Variants in ACTL6B observed in about 807,000 individuals in gnomAD.
ACTL6B encodes the protein actin like 6B.
A neutral mutation model predicts 63.3 loss-of-function variants in ACTL6B; 48 were observed. That is an observed-to-expected ratio of 0.76 (90% confidence interval 0.60 to 0.96). The LOEUF (loss-of-function observed/expected upper bound fraction) is 0.96. Among genes scored for constraint, ACTL6B ranks in the 50% least tolerant of loss-of-function variants. The probability of loss-of-function intolerance (pLI) is 0.00; values close to 1 mark genes in which losing one functional copy is unlikely to be tolerated. For synonymous variants in ACTL6B, 230 were observed against 223.8 expected, an observed-to-expected ratio of 1.03 and a Z score of -0.25; for missense variants, 350 against 572.2, an observed-to-expected ratio of 0.61 and a Z score of 3.96.
At position 100,655,585 on chromosome 7, in the gene ACTL6B, G is replaced by A. The variant is rs1804024485; in HGVS notation, c.104C>T (p.Ala35Val). 6.2e-7 allele frequency: 1 copy of A among 1,611,518 alleles called. No individual in the cohort carries two copies. Among genetic ancestry groups the A allele is most frequent in the African/African-American group, 1.3e-5 (1 of 74,928 alleles). Residue 35 changes from alanine to valine, a missense_variant and splice_region_variant, in exon 3 of 14, where the codon GCT (alanine) becomes GTT (valine). By Grantham distance (64) the Ala-to-Val change is moderately conservative. This residue lies in a region of ACTL6B where 250 missense variants were observed against 364.7 expected (regional missense o/e 0.69). Coordinates refer to ENST00000160382, the MANE Select transcript of ACTL6B (RefSeq NM_016188.5). This position sits in a 1 kb window ranked among gnomAD's most constrained non-coding sequence, Gnocchi z 4.4. ...CAGCCCCACTGTGGTGGGGAAGTCAGCCTGGTGGGGAAGGGTTGGGGGAGT... is the reference window on the plus strand; with the variant it reads ...CAGCCCCACTGTGGTGGGGAAGTCAACCTGGTGGGGAAGGGTTGGGGGAGT... ...AGYAGEDCPK[A>V]DFPTTVGLLA...
In ACTL6B at chr7:100,655,349, G is replaced by A; in HGVS notation, c.268+72C>T. 8.5e-6 allele frequency: 13 copies of A among 1,521,222 alleles called. No homozygotes were observed. Among genetic ancestry groups the A allele is most frequent in the Non-Finnish European group, 1.2e-5 (13 of 1,119,448 alleles). 94.2% of individuals were successfully genotyped at this position (1,521,222 alleles called of 1,614,324 possible). On this transcript the variant is annotated intron_variant, in intron 3 of 13. Transcript: ENST00000160382. This position sits in a 1 kb window ranked among gnomAD's most constrained non-coding sequence, Gnocchi z 4.4. ...GCAAGGAAGACTCCGCGGGGAGTGG[G>A]GGCTGCTATGACCCAGATTGTGGGG...
At chr7:100,651,234 C>A (rs1803933540) in intron 4 of ACTL6B, among the ~76,000 whole-genome samples, 1 of 152,122 alleles carries the variant, frequency 6.6e-6, no homozygotes, top group African/African-American at 2.4e-5. Context: ...AAAAAATATA[C>A]TTCCCATGAC....
intron 4 of ACTL6B, among the ~76,000 whole-genome samples, chr7:100,650,451 G>A (rs559953303): frequency 6.6e-5 from 10 of 150,774 alleles, no homozygotes; most frequent in Middle Eastern, 3.4e-3. Flanking sequence ...ACAAACACAC[G>A]GTCAAACACA....
intron 4 of ACTL6B, 123 bp from the exon 5 acceptor site, chr7:100,650,258 C>G (rs1803913649): frequency 2.7e-6 from 2 of 728,156 alleles, no homozygotes; most frequent in Admixed American, 2.1e-5. Context: ...CAAACACTTG[C>G]ACACACATAC....
Position 100,655,672 on chromosome 7 carries a change from C to T in ACTL6B, c.103-86G>A, listed in dbSNP as rs1804026371. 7 of 1,526,950 alleles carry T rather than the reference C, an allele frequency of 4.6e-6. No homozygotes were observed. Among genetic ancestry groups the T allele is most frequent in the Admixed American group, 2.0e-5 (1 of 48,796 alleles). The allele number at this position is 1,526,950 out of a possible 1,614,324, so 94.6% of individuals were successfully genotyped here. A position where few individuals can be genotyped will look rare whatever the true frequency, so the allele number is the denominator to read the frequency against. ...CAGCCCCACAGCAGGGTCCTCAGAC[C>T]GCCCCTGGGTTTATTCCCATATTCC... On this transcript the variant is annotated intron_variant, in intron 2 of 13. Coordinates refer to ENST00000160382, the MANE Select transcript of ACTL6B (RefSeq NM_016188.5). This position sits in a 1 kb window ranked among gnomAD's most constrained non-coding sequence, Gnocchi z 4.4.
In ACTL6B at chr7:100,648,971, G is replaced by A; in HGVS notation, c.468-148C>T. ...CCCTGGTGATGACTCATCTCCTGGA[G>A]AAAGGCTCTGAGACCCCAGTTACTT... On this transcript the variant is annotated intron_variant, in intron 5 of 13. Coordinates refer to ENST00000160382, the MANE Select transcript of ACTL6B (RefSeq NM_016188.5). The surrounding 1 kb of genome is among the most constrained non-coding windows in gnomAD (Gnocchi z 4.4). 1 of 653,136 alleles carries A rather than the reference G, an allele frequency of 1.5e-6. No homozygotes were observed. The highest frequency in any genetic ancestry group is 2.5e-6 in the Non-Finnish European group (1 of 402,856). 40.5% of individuals were successfully genotyped at this position (653,136 alleles called of 1,614,324 possible).
chr7:100,654,300 A>G (rs1434492529), intron 4 of ACTL6B, among the ~76,000 whole-genome samples: 5 of 151,490 alleles, frequency 3.3e-5, no homozygotes, highest in African/African-American at 1.2e-4. Flanking sequence ...TTGTTTTAAT[A>G]AAAGAGACGG....
At position 100,655,763 on chromosome 7, in the gene ACTL6B, C is replaced by T. The variant is rs1247930467; in HGVS notation, c.102+40G>A. 3 of 1,548,472 alleles carry T rather than the reference C, an allele frequency of 1.9e-6. No individual in the cohort carries two copies. The highest frequency in any genetic ancestry group is 1.2e-5 in the South Asian group (1 of 84,022). Reference sequence around the variant, plus strand: ...TCACTGGAAAGCCTGAAGAAGGGTCCGAAGCCCCTAGGATTTGGAGAGGAG... The same window carrying T: ...TCACTGGAAAGCCTGAAGAAGGGTCTGAAGCCCCTAGGATTTGGAGAGGAG... On this transcript the variant is annotated intron_variant, in intron 2 of 13. Coordinates refer to ENST00000160382, the MANE Select transcript of ACTL6B (RefSeq NM_016188.5). This position sits in a 1 kb window ranked among gnomAD's most constrained non-coding sequence, Gnocchi z 4.4.
At chr7:100,643,445 T>A in intron 13 of ACTL6B, 119 bp from the exon 14 acceptor site, 2 of 927,338 alleles carry the variant, frequency 2.2e-6, no homozygotes, top group Non-Finnish European at 3.4e-6. Context: ...CACATCCCTC[T>A]GAAGCCCCTC....
In ACTL6B at chr7:100,648,430, C is replaced by G; in HGVS notation, c.669+126G>C. ...GATGCCTCGATTATAAAAGGAGGAA[C>G]TGGAGCCAGGACCCACTGGGGAGCC... On this transcript the variant is annotated intron_variant, in intron 7 of 13. Transcript: ENST00000160382. The surrounding 1 kb of genome is among the most constrained non-coding windows in gnomAD (Gnocchi z 4.4). The G allele has an allele frequency of 1.3e-6, 1 of 797,950 alleles. No homozygotes were observed. Among genetic ancestry groups the G allele is most frequent in the Non-Finnish European group, 1.9e-6 (1 of 521,816 alleles). The allele number at this position is 797,950 out of a possible 1,614,324, so 49.4% of individuals were successfully genotyped here.
Position 100,646,912 on chromosome 7 carries a change from G to A in ACTL6B, c.936+59C>T, listed in dbSNP as rs1466661546. ...TGCAATCCTTCCCAGCCTCCCCCACGCCCCAGGATCCAGGGACTGCAGCCA... is the reference window on the plus strand; with the variant it reads ...TGCAATCCTTCCCAGCCTCCCCCACACCCCAGGATCCAGGGACTGCAGCCA... On this transcript the variant is annotated intron_variant, in intron 10 of 13. Coordinates refer to ENST00000160382, the MANE Select transcript of ACTL6B (RefSeq NM_016188.5). This position sits in a 1 kb window ranked among gnomAD's most constrained non-coding sequence, Gnocchi z 6.1. 2.4e-6 allele frequency: 3 copies of A among 1,272,850 alleles called. No individual in the cohort carries two copies. Among genetic ancestry groups the A allele is most frequent in the East Asian group, 3.1e-5 (1 of 32,226 alleles). 78.8% of individuals were successfully genotyped at this position (1,272,850 alleles called of 1,614,324 possible). A position where few individuals can be genotyped will look rare whatever the true frequency, so the allele number is the denominator to read the frequency against.
intron 4 of ACTL6B, among the ~76,000 whole-genome samples, chr7:100,654,278 T>G (rs969576219): frequency 2.7e-5 from 4 of 150,532 alleles, no homozygotes; most frequent in Non-Finnish European, 5.9e-5. Context: ...GGCAAAAAAT[T>G]TTTAATTTTT....
At chr7:100,654,972 G>A in intron 4 of ACTL6B, 47 bp downstream of exon 4, 6 of 1,491,866 alleles carry the variant, frequency 4.0e-6, no homozygotes, top group South Asian at 1.1e-5. Context: ...TGGGAAGGAG[G>A]TGCAGTGGAG....
intron 13 of ACTL6B, among the ~76,000 whole-genome samples, chr7:100,644,791 C>T (rs1304981356): frequency 4.6e-5 from 7 of 151,188 alleles, no homozygotes; most frequent in African/African-American, 9.7e-5. Context: ...CATGGTGGCT[C>T]ACACCTGTAA....
Position 100,647,159 on chromosome 7 carries a change from C to CCG in ACTL6B, c.821+63_821+64insCG. ...GTGCGTGGGCAGCACCAGAGCCCCC[C>CCG]AGCCCACCCCAAGAGTGCCGGTTCT... is the stretch of plus-strand genomic sequence containing the variant. On this transcript the variant is annotated intron_variant, in intron 9 of 13. Transcript: ENST00000160382. This position sits in a 1 kb window ranked among gnomAD's most constrained non-coding sequence, Gnocchi z 4.4. 1 of 1,606,350 alleles carries CCG rather than the reference C, an allele frequency of 6.2e-7. No homozygotes were observed. Among genetic ancestry groups the CCG allele is most frequent in the Non-Finnish European group, 8.5e-7 (1 of 1,173,344 alleles).
intron 13 of ACTL6B, among the ~76,000 whole-genome samples, chr7:100,645,679 T>C (rs1803807348): frequency 6.6e-6 from 1 of 151,784 alleles, no homozygotes; most frequent in South Asian, 2.1e-4. Context: ...TCACCCAGGC[T>C]GGAGTGCAGT....
intron 4 of ACTL6B, among the ~76,000 whole-genome samples, chr7:100,652,821 T>C (rs1803965494): frequency 6.7e-6 from 1 of 149,452 alleles, no homozygotes; most frequent in African/African-American, 2.5e-5. Context: ...GCCAACATGG[T>C]GAAACCCCGT....
At position 100,652,511 on chromosome 7, in the gene ACTL6B, C is replaced by T. The variant is rs552161084; in HGVS notation, c.370-2376G>A. 4.1e-5 allele frequency among the ~76,000 whole-genome samples: 6 copies of T among 145,758 alleles called. No homozygotes were observed. In the East Asian group the frequency reaches 1.0e-3, roughly 25 times the overall value. On this transcript the variant is annotated intron_variant, in intron 4 of 13. Coordinates refer to ENST00000160382, the MANE Select transcript of ACTL6B (RefSeq NM_016188.5). ...ACTCGGGAGGCTGAGGCAGGAGAAC[C>T]CAGGAGGTGGAGCTTGCAGTGAGCC...
intron 13 of ACTL6B, 111 bp from the exon 14 acceptor site, chr7:100,643,437 C>G: frequency 9.3e-7 from 1 of 1,074,006 alleles, no homozygotes; most frequent in Non-Finnish European, 1.4e-6. Flanking sequence ...CTTGGGTTCA[C>G]ATCCCTCTGA....
Sources: gnomAD v4.1 joint callset for allele counts (sites outside exome capture counted in the v4.1 genomes callset) on GRCh38, gnomAD v4.1.1 for gene constraint, gnomAD v4.1.1 regional missense constraint, Gnocchi (gnomAD v3.1) non-coding constraint, MANE v1.5 for transcripts, NCBI Gene and HGNC (gene_info 2026-07-23, HGNC 2026-07-21) for gene names.